The following SYCP2 variants were observed in gnomAD, a reference collection of about 807,000 sequenced individuals.
The protein encoded by SYCP2 is synaptonemal complex protein 2.
In SYCP2, 55 loss-of-function variants were observed where a neutral mutation model predicts 211.3. That is an observed-to-expected ratio of 0.26 (90% CI 0.21 to 0.33). The LOEUF (loss-of-function observed/expected upper bound fraction) is 0.33. SYCP2 is among the 10% of genes least tolerant of loss of function. SYCP2 has a pLI of 1.00. For missense variants in SYCP2, 1,731 were observed against 1,752.0 expected, an observed-to-expected ratio of 0.99 and a Z score of 0.21; for synonymous variants, 570 against 555.2, an observed-to-expected ratio of 1.03 and a Z score of -0.37.
intron 1 of SYCP2, among the ~76,000 whole-genome samples, chr20:59,932,601 A>G (rs2060778177): frequency 6.6e-6 from 1 of 151,544 alleles, no homozygotes; most frequent in South Asian, 2.1e-4. Flanking sequence ...TGGAACCCGG[A>G]AGATGGAGGT....
At chr20:59,894,278 T>C (rs1182775063) in intron 20 of SYCP2, among the ~76,000 whole-genome samples, 1 of 151,996 alleles carries the variant, frequency 6.6e-6, no homozygotes, top group Non-Finnish European at 1.5e-5. Context: ...AGGTGTGGTT[T>C]GGGTTGTCAC....
rs1568932126 is a variant in SYCP2, at chr20:59,886,763, G to A, written c.2436C>T (p.Tyr812=). The change falls in exon 25 of 45, where the codon TAC becomes TAT. Residue 812 remains tyrosine (Y), a synonymous_variant. Transcript: ENST00000357552. The part of the protein sequence containing the change: ...ESLISQINKR[Y]KTKDDIKSTR... The stretch of plus-strand genomic sequence containing the variant: ...TAGACTTGATGTCATCTTTTGTTTT[G>A]TATCTTTTATTGATTTGGCTTATCA... 2 of 1,587,180 alleles carry A rather than the reference G, an allele frequency of 1.3e-6. No homozygotes were observed. Among genetic ancestry groups the A allele is most frequent in the African/African-American group, 1.4e-5 (1 of 73,476 alleles).
At chr20:59,870,676 A>G (rs1317759055) in intron 35 of SYCP2, among the ~76,000 whole-genome samples, 1 of 151,880 alleles carries the variant, frequency 6.6e-6, no homozygotes, top group African/African-American at 2.4e-5. Flanking sequence ...GGGCAAAGGA[A>G]TTCTGAGGAA....
chr20:59,887,280 G>A (rs1405895948), intron 24 of SYCP2, among the ~76,000 whole-genome samples: 1 of 151,982 alleles, frequency 6.6e-6, no homozygotes, highest in Non-Finnish European at 1.5e-5. Context: ...AGTTTGCTGA[G>A]AATGATGGTT....
chr20:59,892,840 T>C (rs1305993696), intron 22 of SYCP2, 139 bp from the exon 23 acceptor site: 1 of 703,912 alleles, frequency 1.4e-6, no homozygotes, highest in East Asian at 2.9e-5. Context: ...ATCTTACAGT[T>C]CTACTGTATA....
chr20:59,925,510 A>G (rs1308814152), intron 2 of SYCP2, among the ~76,000 whole-genome samples: 1 of 152,070 alleles, frequency 6.6e-6, no homozygotes, highest in Non-Finnish European at 1.5e-5. Context: ...AATATTCACA[A>G]CTGTTACTAA....
At chr20:59,890,879 C>T (rs995353034) in intron 24 of SYCP2, among the ~76,000 whole-genome samples, 1 of 151,322 alleles carries the variant, frequency 6.6e-6, no homozygotes, top group Non-Finnish European at 1.5e-5. Context: ...CCTTATTTCC[C>T]CTGGGACTGA....
intron 7 of SYCP2, among the ~76,000 whole-genome samples, chr20:59,917,069 T>G (rs2060456766): frequency 1.3e-5 from 2 of 152,150 alleles, no homozygotes; most frequent in South Asian, 4.1e-4. Context: ...GTGACTGATT[T>G]TAATACTGTC....
At chr20:59,916,597 T>G in intron 7 of SYCP2, 26 bp from the exon 8 acceptor site, 2 of 1,411,148 alleles carry the variant, frequency 1.4e-6, no homozygotes, top group Middle Eastern at 1.8e-4. Context: ...AAATTATTGA[T>G]AAATGTTCAT....
At chr20:59,902,534 G>A (rs1195989157) in intron 15 of SYCP2, among the ~76,000 whole-genome samples, 1 of 152,030 alleles carries the variant, frequency 6.6e-6, no homozygotes, top group East Asian at 1.9e-4. Flanking sequence ...GTACTTTCGG[G>A]CAAGAGAAAA....
Position 59,866,325 on chromosome 20 carries a change from G to C in SYCP2, c.4288C>G (p.Gln1430Glu), listed in dbSNP as rs773671053. 1 of 1,595,660 alleles carries C rather than the reference G, an allele frequency of 6.3e-7. No homozygotes were observed. Among genetic ancestry groups the C allele is most frequent in the African/African-American group, 1.4e-5 (1 of 73,904 alleles). ...EELENFEKDS[Q>E]SLKDLEKEFV... ...TCCTTTTCCAAATCTTTTAAAGACT[G>C]TGAATCTTTTTCAAAATTCTCCAGC... Residue 1430 changes from glutamine (Q) to glutamate (E), a missense_variant, in exon 41 of 45, where the codon CAG (glutamine) becomes GAG (glutamate). By Grantham distance (29) the Gln-to-Glu change is conservative. Transcript: ENST00000357552.
chr20:59,931,381 C>A (rs941122498), intron 2 of SYCP2, among the ~76,000 whole-genome samples: 3 of 152,200 alleles, frequency 2.0e-5, no homozygotes, highest in Admixed American at 1.3e-4. Flanking sequence ...GGCGGCAGAG[C>A]AAGACCCTGT....
rs746978463 is a variant in SYCP2 at position 59,868,558 on chromosome 20, T to A, written c.3843A>T (p.Gln1281His). The change falls in exon 38 of 45, where the codon CAA (glutamine) becomes CAT (histidine). Residue 1281 changes from glutamine (Q) to histidine (H), a missense_variant. Gln to His is a conservative substitution (Grantham distance 24, BLOSUM62 0). Around this residue, in one of 3 missense-constraint regions of SYCP2, gnomAD observed 1,387 missense variants for 1,351.3 expected, o/e 1.03. Transcript: ENST00000357552. ...TATATATTCTTTTGCGACTAAGATG[T>A]TGGGTGGGGCCTTAGGAACAGTTAA... Reference protein sequence around the residue: ...CDATHVSGPTQHLSRKRIYIE... With the variant: ...CDATHVSGPTHHLSRKRIYIE... 6.2e-7 allele frequency: 1 copy of A among 1,601,866 alleles called. No individual in the cohort carries two copies. Among genetic ancestry groups the A allele is most frequent in the Non-Finnish European group, 8.5e-7 (1 of 1,176,446 alleles).
chr20:59,893,378 C>T (rs1194432548), intron 21 of SYCP2, 146 bp downstream of exon 21: 1 of 756,414 alleles, frequency 1.3e-6, no homozygotes, highest in Non-Finnish European at 2.1e-6. Context: ...TTCCTTGTAA[C>T]CTCAAAAATT....
At chr20:59,898,208 C>T (rs1380037895) in intron 18 of SYCP2, among the ~76,000 whole-genome samples, 1 of 152,166 alleles carries the variant, frequency 6.6e-6, no homozygotes, top group African/African-American at 2.4e-5. Flanking sequence ...CTCAGCAAAT[C>T]CCATTACTGG....
At position 59,921,032 on chromosome 20, in the gene SYCP2, A is replaced by G. The variant is rs1032385621; in HGVS notation, c.168+278T>C. ...CTATGAACTTGTTTAAACTTCAAAG[A>G]GCTAAAGTATTTTTTCCCCAGTTTC... On this transcript the variant is annotated intron_variant, in intron 4 of 44. Transcript: ENST00000357552. 1.3e-5 allele frequency among the ~76,000 whole-genome samples: 2 copies of G among 151,600 alleles called. 1 individual carries two copies. The highest frequency in any genetic ancestry group is 4.1e-4 in the South Asian group (2 of 4,824).
intron 31 of SYCP2, among the ~76,000 whole-genome samples, chr20:59,879,838 TATATATATATATATATATATATATACAC>T (rs1215544389): frequency 1.7e-5 from 2 of 116,344 alleles, no homozygotes; most frequent in African/African-American, 8.5e-5. Context: ...TATATATATA[TATATATATATATATATATATATATACAC>T]ACACACACAC....
chr20:59,880,757 T>C (rs1046640153), intron 30 of SYCP2, among the ~76,000 whole-genome samples: 1 of 151,726 alleles, frequency 6.6e-6, no homozygotes, highest in African/African-American at 2.4e-5. Flanking sequence ...CCTAATAGTA[T>C]ACATATTAAA....
intron 1 of SYCP2, 50 bp from the exon 2 acceptor site, chr20:59,932,204 AT>A (rs2060761488): frequency 1.3e-5 from 2 of 152,194 alleles, no homozygotes; most frequent in Admixed American, 1.3e-4. Context: ...AAAGAAAACA[AT>A]TTGGCAGATG....
Sources: allele counts gnomAD v4.1 joint callset (sites outside exome capture counted in the v4.1 genomes callset), GRCh38; gene constraint gnomAD v4.1.1; regional missense constraint gnomAD v4.1.1; transcripts MANE v1.5; gene names NCBI Gene and HGNC (gene_info 2026-07-23, HGNC 2026-07-21).